Variants in DNAH14 observed in about 807,000 individuals in gnomAD.
DNAH14 encodes the protein axonemal beta dynein heavy chain 14.
Under a neutral mutation model 520.9 loss-of-function variants are expected in DNAH14, and 478 were observed. The ratio of observed to expected loss-of-function variants is 0.92; its 90% CI spans 0.85 to 0.99. DNAH14 has a LOEUF of 0.99. Ranked by LOEUF, DNAH14 falls within the 50% of genes least tolerant of loss-of-function variation. DNAH14 has a pLI of 0.00. For missense variants in DNAH14, 4,831 were observed against 5,234.5 expected (o/e 0.92, Z 2.38); for synonymous variants, 1,581 against 1,757.2 (o/e 0.90, Z 2.51).
intron 17 of DNAH14, among the ~76,000 whole-genome samples, chr1:225,064,091 T>TA (rs1043710798): frequency 3.7e-4 from 56 of 151,992 alleles, no homozygotes; most frequent in African/African-American, 1.3e-3. Context: ...AAAGTACCAA[T>TA]AAAAATAACA....
At chr1:225,170,194 G>C (rs149105203) in intron 36 of DNAH14, among the ~76,000 whole-genome samples, 3 of 152,158 alleles carry the variant, frequency 2.0e-5, no homozygotes. Context: ...GTTGAGGCTA[G>C]GAAGAAACTG....
chr1:225,371,174 G>A (rs1452762576), intron 77 of DNAH14, among the ~76,000 whole-genome samples: 2 of 152,136 alleles, frequency 1.3e-5, no homozygotes, highest in Admixed American at 1.3e-4. Flanking sequence ...CATAAGAACT[G>A]TAGATTAATT....
chr1:225,018,669 G>A lies in DNAH14; in HGVS notation c.1108-4946G>A, dbSNP rs2065411494. On this transcript the variant is annotated intron_variant, in intron 10 of 85. Coordinates refer to ENST00000682510, the MANE Select transcript of DNAH14 (RefSeq NM_001367479.1). ...AGTTAGAGAGAAGGGCAGATCACTG[G>A]CAAAGGGAACCCCTTCTGGCTAACA... Among the ~76,000 whole-genome samples, 3 of 152,134 alleles carry A rather than the reference G, an allele frequency of 2.0e-5. 1 individual carries two copies. The South Asian group carries it at 6.2e-4, about 32-fold the overall frequency.
rs1473726569 is a variant in DNAH14, at chr1:225,340,460, A to T, written c.10437A>T (p.Leu3479Phe). The T allele has an allele frequency of 1.9e-6, 3 of 1,549,472 alleles. No homozygotes were observed. The highest frequency in any genetic ancestry group is 8.7e-7 in the Non-Finnish European group (1 of 1,145,418). ...CTGGTGCCTTTCTCATGTTCAGGTTATACTTATCTACAGAAATAGACAACC... is the reference window on the plus strand; with the variant it reads ...CTGGTGCCTTTCTCATGTTCAGGTTTTACTTATCTACAGAAATAGACAACC... ...AEFEYNSNFR[L>F]YLSTEIDNPH... Residue 3479 changes from leucine (L) to phenylalanine (F), a missense_variant, in exon 69 of 86, where the codon TTA becomes TTT. Leu to Phe is a conservative substitution (Grantham distance 22, BLOSUM62 0). Transcript: ENST00000682510.
At chr1:225,104,114 G>A (rs1261860576) in intron 23 of DNAH14, among the ~76,000 whole-genome samples, 2 of 152,074 alleles carry the variant, frequency 1.3e-5, no homozygotes, top group East Asian at 1.9e-4. Context: ...GTTGAATTTT[G>A]TCAAAGGCCT....
In DNAH14 at chr1:225,394,886, G is replaced by T. The variant is rs946970042; in HGVS notation, c.13491+2435G>T. On this transcript the variant is annotated intron_variant, in intron 84 of 85. Transcript: ENST00000682510. ...GAGAATTGAGTTGTGTATGGCATGA[G>T]GTGAGATCAAAGTTCTTTTGGTTCC... 7.9e-5 allele frequency among the ~76,000 whole-genome samples: 12 copies of T among 151,684 alleles called. No individual in the cohort carries two copies. In the South Asian group the frequency reaches 2.3e-3, roughly 29 times the overall value.
At chr1:225,287,886 G>T (rs753231403) in intron 54 of DNAH14, among the ~76,000 whole-genome samples, 2 of 152,082 alleles carry the variant, frequency 1.3e-5, no homozygotes, top group Non-Finnish European at 2.9e-5. Flanking sequence ...CAAAGCTGGA[G>T]CAAGAAAACA....
chr1:224,999,188 A>C (rs1175277820), intron 8 of DNAH14, among the ~76,000 whole-genome samples: 3 of 151,504 alleles, frequency 2.0e-5, no homozygotes, highest in Non-Finnish European at 4.4e-5. Context: ...TGTGCCATGG[A>C]TTTTTTTGTT....
chr1:225,328,338 T>C lies in DNAH14; in HGVS notation c.9724-3099T>C, dbSNP rs561810237. ...TTTTAATTACAATATTTTTAAATGG[T>C]AGGGAGAAAAAGACAAGCTGTACAT... On this transcript the variant is annotated intron_variant, in intron 64 of 85. Transcript: ENST00000682510. Among the ~76,000 whole-genome samples, 5 of 152,276 alleles carry C rather than the reference T, an allele frequency of 3.3e-5. No individual in the cohort carries two copies. In the East Asian group the frequency reaches 9.6e-4, roughly 29 times the overall value.
At chr1:224,932,398 G>C (rs564976374) in intron 1 of DNAH14, among the ~76,000 whole-genome samples, 24 of 151,944 alleles carry the variant, frequency 1.6e-4, no homozygotes, top group African/African-American at 5.5e-4. Context: ...TTCTCCTATT[G>C]AACAGGCTGT....
At chr1:225,066,749 T>C (rs2070938048) in intron 17 of DNAH14, among the ~76,000 whole-genome samples, 1 of 152,036 alleles carries the variant, frequency 6.6e-6, no homozygotes, top group African/African-American at 2.4e-5. Flanking sequence ...ACATATGATA[T>C]TTGGTTTTCC....
intron 39 of DNAH14, among the ~76,000 whole-genome samples, chr1:225,204,641 C>T (rs1201297904): frequency 6.6e-6 from 1 of 152,074 alleles, no homozygotes; most frequent in Non-Finnish European, 1.5e-5. Flanking sequence ...ATTTCCAGGC[C>T]AAAGCATACA....
chr1:224,940,140 G>A (rs2059315842), intron 1 of DNAH14, among the ~76,000 whole-genome samples: 1 of 152,224 alleles, frequency 6.6e-6, no homozygotes, highest in Admixed American at 6.5e-5. Context: ...GTGCTTTAGT[G>A]CTTTCCCACA....
intron 84 of DNAH14, among the ~76,000 whole-genome samples, chr1:225,393,362 C>T (rs2095947610): frequency 6.6e-6 from 1 of 152,222 alleles, no homozygotes; most frequent in African/African-American, 2.4e-5. Flanking sequence ...CTACTGCTTA[C>T]CTAGGCTAAA....
intron 6 of DNAH14, chr1:224,967,952 G>A (rs796077000): frequency 1.0e-5 from 12 of 1,159,462 alleles, no homozygotes; most frequent in Non-Finnish European, 1.3e-5. Context: ...ATTGCCAGAT[G>A]TAGAAATCCC....
At chr1:225,118,700 T>G (rs1207531579) in intron 25 of DNAH14, among the ~76,000 whole-genome samples, 6 of 151,962 alleles carry the variant, frequency 3.9e-5, no homozygotes, top group Admixed American at 6.6e-5. Context: ...CTGACTAACA[T>G]GGTGAAACCC....
intron 27 of DNAH14, among the ~76,000 whole-genome samples, chr1:225,126,805 G>A (rs959502476): frequency 1.3e-5 from 2 of 151,932 alleles, no homozygotes; most frequent in Non-Finnish European, 2.9e-5. Context: ...ATGTTAGGGT[G>A]TCAATTTTGG....
At chr1:225,278,205 A>C (rs541681743) in intron 54 of DNAH14, among the ~76,000 whole-genome samples, 1 of 151,484 alleles carries the variant, frequency 6.6e-6, no homozygotes, top group East Asian at 1.9e-4. Context: ...GAATCAAGAA[A>C]AAAATATGAA....
chr1:225,350,359 A>G (rs2095348111), intron 71 of DNAH14, among the ~76,000 whole-genome samples: 2 of 152,094 alleles, frequency 1.3e-5, no homozygotes, highest in African/African-American at 4.8e-5. Context: ...TCAAGAAACT[A>G]GAAAAACAAC....
Sources: allele counts gnomAD v4.1 joint callset (sites outside exome capture counted in the v4.1 genomes callset), GRCh38; gene constraint gnomAD v4.1.1; transcripts MANE v1.5; gene names NCBI Gene and HGNC (gene_info 2026-07-23, HGNC 2026-07-21).